Variants in MAD1L1 observed in about 807,000 individuals in gnomAD.
MAD1L1 encodes mitotic arrest deficient 1 like 1.
Under a neutral mutation model 96.9 loss-of-function variants are expected in MAD1L1, and 95 were observed. The observed-to-expected ratio is 0.98, with a 90% CI of 0.83 to 1.16. MAD1L1 has a LOEUF of 1.16. Ranked by LOEUF, MAD1L1 falls within the 50% of genes most tolerant of loss-of-function variation. The probability of loss-of-function intolerance (pLI) is 0.00; values close to 1 mark genes in which losing one functional copy is unlikely to be tolerated. For synonymous variants in MAD1L1, 473 were observed against 396.6 expected, an observed-to-expected ratio of 1.19 and a Z score of -2.29; for missense variants, 1,007 against 954.4, an observed-to-expected ratio of 1.06 and a Z score of -0.73.
intron 9 of MAD1L1, 102 bp from the exon 10 acceptor site, chr7:2,213,375 G>A (rs1176273475): frequency 9.2e-7 from 1 of 1,087,296 alleles, no homozygotes. Context: ...GACCTCTCAG[G>A]AGAGCCTGCC....
At chr7:1,972,620 A>C (rs1380747059) in intron 15 of MAD1L1, among the ~76,000 whole-genome samples, 3 of 152,030 alleles carry the variant, frequency 2.0e-5, no homozygotes, top group Non-Finnish European at 4.4e-5. Context: ...TTTCCAAAAA[A>C]GCCAGAACTT....
chr7:2,044,607 G>A (rs1175902726), intron 12 of MAD1L1, among the ~76,000 whole-genome samples: 3 of 152,176 alleles, frequency 2.0e-5, no homozygotes, highest in Admixed American at 2.0e-4. Flanking sequence ...TCTGGGTCCT[G>A]AGTACACATG....
chr7:2,084,423 G>A (rs1375529599), intron 11 of MAD1L1, among the ~76,000 whole-genome samples: 8 of 152,210 alleles, frequency 5.3e-5, no homozygotes, highest in African/African-American at 7.2e-5. Context: ...GGCGCTGCCC[G>A]GGCAGGGTGA....
chr7:1,951,905 T>C (rs1583897311), intron 16 of MAD1L1, among the ~76,000 whole-genome samples: 1 of 152,078 alleles, frequency 6.6e-6, no homozygotes, highest in East Asian at 1.9e-4. Context: ...TGAACGTGGG[T>C]GCCCGTATCC....
intron 10 of MAD1L1, among the ~76,000 whole-genome samples, chr7:2,155,315 A>T (rs1789776628): frequency 6.6e-6 from 1 of 152,218 alleles, no homozygotes; most frequent in Admixed American, 6.5e-5. Context: ...GTGGTAAAAT[A>T]CACTTAACAT....
chr7:1,867,811 T>G (rs1784851061), intron 18 of MAD1L1, among the ~76,000 whole-genome samples: 1 of 152,198 alleles, frequency 6.6e-6, no homozygotes, highest in Admixed American at 6.5e-5. Flanking sequence ...TGCCATCAGC[T>G]CTGGGACAAT....
chr7:1,938,407 G>A (rs898311886), intron 16 of MAD1L1, among the ~76,000 whole-genome samples: 50 of 151,876 alleles, frequency 3.3e-4, no homozygotes, highest in Admixed American at 1.6e-3. Flanking sequence ...AGTGCTGGCC[G>A]TAAAAGAAAA....
At chr7:1,861,019 G>GCCCCTC (rs1784518600) in intron 18 of MAD1L1, among the ~76,000 whole-genome samples, 1 of 152,192 alleles carries the variant, frequency 6.6e-6, no homozygotes, top group Middle Eastern at 3.2e-3. Context: ...GTCCTGGCCC[G>GCCCCTC]CCCCTCCCCT....
intron 16 of MAD1L1, chr7:1,940,586 C>G (rs971477573): frequency 6.6e-6 from 1 of 152,206 alleles, no homozygotes; most frequent in Non-Finnish European, 1.5e-5. Context: ...AGGGTGGGGC[C>G]GCCTCCTGCG....
intron 17 of MAD1L1, among the ~76,000 whole-genome samples, chr7:1,921,363 G>C (rs1788784172): frequency 6.6e-6 from 1 of 150,640 alleles, no homozygotes; most frequent in South Asian, 2.1e-4. Flanking sequence ...CTGTTGCCCA[G>C]GCTGGAGTGC....
chr7:2,053,769 C>T (rs1036116196), intron 12 of MAD1L1, among the ~76,000 whole-genome samples: 1 of 152,190 alleles, frequency 6.6e-6, no homozygotes, highest in African/African-American at 2.4e-5. Flanking sequence ...CAGTAGGCTC[C>T]TGTGACCGAG....
chr7:1,864,349 G>C (rs1383799296), intron 18 of MAD1L1, among the ~76,000 whole-genome samples: 2 of 152,224 alleles, frequency 1.3e-5, no homozygotes, highest in Non-Finnish European at 2.9e-5. Context: ...TTTCCTGGAC[G>C]GGACTCGGGG....
chr7:2,073,133 G>A (rs777706507), intron 11 of MAD1L1, among the ~76,000 whole-genome samples: 3 of 152,200 alleles, frequency 2.0e-5, no homozygotes, highest in South Asian at 2.1e-4. Flanking sequence ...GGCAGGCACC[G>A]AGGCGCCCCA....
chr7:2,220,324 C>T (rs377077769), intron 5 of MAD1L1, among the ~76,000 whole-genome samples: 24 of 152,300 alleles, frequency 1.6e-4, no homozygotes, highest in African/African-American at 5.5e-4. Flanking sequence ...GGAACCCGCA[C>T]GCGACAGAAC....
Position 1,848,131 on chromosome 7 carries a change from G to A in MAD1L1, c.1999-31903C>T, listed in dbSNP as rs549987097. ...CACACAGACCTAGTGTCGCTCTCAGGGCTGGGTCCGCAGGCCACTCTCCCT... is the reference window on the plus strand; with the variant it reads ...CACACAGACCTAGTGTCGCTCTCAGAGCTGGGTCCGCAGGCCACTCTCCCT... On this transcript the variant is annotated intron_variant, in intron 18 of 18. Transcript: ENST00000265854. 1.9e-3 allele frequency: 447 copies of A among 230,444 alleles called. 6 individuals carry two copies. The highest frequency in any genetic ancestry group is 4.9e-3 in the Middle Eastern group (3 of 610). The allele number at this position is 230,444 out of a possible 1,614,324, so 14.3% of individuals were successfully genotyped here.
rs116396692 is a variant in MAD1L1, at chr7:1,888,806, T to A, written c.1998+9394A>T. 2.7e-3 allele frequency among the ~76,000 whole-genome samples: 416 copies of A among 152,266 alleles called. 1 individual carries two copies. The highest frequency in any genetic ancestry group is 9.4e-3 in the African/African-American group (392 of 41,526). On this transcript the variant is annotated intron_variant, in intron 18 of 18. Transcript: ENST00000265854. ...GTGTGTCAGCATGCATGCATGTGGG[T>A]GGCTGTGCATGCGTGGGCATGTATT...
At position 2,180,697 on chromosome 7, in the gene MAD1L1, T is replaced by C. The variant is rs570997777; in HGVS notation, c.987-31459A>G. ...CAGATTGTTCACTGCTAACGTATAATATTAAACATTATCTTATATTAAATA... is the reference window on the plus strand; with the variant it reads ...CAGATTGTTCACTGCTAACGTATAACATTAAACATTATCTTATATTAAATA... On this transcript the variant is annotated intron_variant, in intron 10 of 18. Coordinates refer to ENST00000265854, the MANE Select transcript of MAD1L1 (RefSeq NM_001013836.2). 2.0e-5 allele frequency among the ~76,000 whole-genome samples: 3 copies of C among 152,330 alleles called. No individual in the cohort carries two copies. In the East Asian group the frequency reaches 5.8e-4, roughly 29 times the overall value.
At chr7:2,197,520 G>A (rs910478791) in intron 10 of MAD1L1, among the ~76,000 whole-genome samples, 7 of 152,076 alleles carry the variant, frequency 4.6e-5, no homozygotes, top group African/African-American at 7.2e-5. Context: ...TACACACGAC[G>A]TGCACTGCAC....
At chr7:1,960,084 G>A (rs375531293) in intron 15 of MAD1L1, among the ~76,000 whole-genome samples, 26 of 152,300 alleles carry the variant, frequency 1.7e-4, no homozygotes, top group African/African-American at 6.3e-4. Flanking sequence ...TATACTGTGT[G>A]TGAGAAGACG....
Sources: allele counts gnomAD v4.1 joint callset (sites outside exome capture counted in the v4.1 genomes callset), GRCh38; gene constraint gnomAD v4.1.1; transcripts MANE v1.5; gene names NCBI Gene and HGNC (gene_info 2026-07-23, HGNC 2026-07-21).